Variants in SLC43A2 observed in about 807,000 individuals in gnomAD.
SLC43A2 encodes the protein large neutral amino acids transporter small subunit 4.
SLC43A2 carries 38 observed loss-of-function variants against 63.2 expected under a neutral mutation model. The observed-to-expected ratio is 0.60, with a 90% CI of 0.46 to 0.79. The LOEUF (loss-of-function observed/expected upper bound fraction) is 0.79, where lower values mean the gene tolerates loss of function less well. Among genes scored for constraint, SLC43A2 ranks in the 30% least tolerant of loss-of-function variants. The pLI is 0.00. For missense variants in SLC43A2, 644 were observed against 756.2 expected, an observed-to-expected ratio of 0.85 and a Z score of 1.74; for synonymous variants, 322 against 331.0, an observed-to-expected ratio of 0.97 and a Z score of 0.30.
intron 5 of SLC43A2, among the ~76,000 whole-genome samples, chr17:1,612,904 G>A (rs549974084): frequency 6.6e-6 from 1 of 152,174 alleles, no homozygotes; most frequent in African/African-American, 2.4e-5. Context: ...CCTGGGACGC[G>A]GAGGTTGCAG....
At chr17:1,604,236 T>C (rs1346594116) in intron 5 of SLC43A2, 1 of 152,080 alleles carries the variant, frequency 6.6e-6, no homozygotes, top group African/African-American at 2.4e-5. Flanking sequence ...GTATTTTGAG[T>C]AGAGATGGAG....
chr17:1,615,094 T>C, intron 3 of SLC43A2, 60 bp from the exon 4 acceptor site: 1 of 1,590,220 alleles, frequency 6.3e-7, no homozygotes, highest in Non-Finnish European at 8.6e-7. Flanking sequence ...GTGTTATTGT[T>C]TTGTTTTTGT....
chr17:1,613,690 G>C (rs1380776288), intron 4 of SLC43A2, among the ~76,000 whole-genome samples: 1 of 152,192 alleles, frequency 6.6e-6, no homozygotes, highest in East Asian at 1.9e-4. Flanking sequence ...GCCGATCTCA[G>C]CCTCCCAAAG....
chr17:1,615,272 G>A (rs1186109562), intron 3 of SLC43A2, among the ~76,000 whole-genome samples: 5 of 151,668 alleles, frequency 3.3e-5, no homozygotes, highest in Admixed American at 2.0e-4. Flanking sequence ...ACCACGCGTG[G>A]CTAATTTTTT....
In SLC43A2 at chr17:1,611,294, A is replaced by G. The variant is rs143314279; in HGVS notation, c.501+1901T>C. On this transcript the variant is annotated intron_variant, in intron 5 of 13. Coordinates refer to ENST00000301335, the MANE Select transcript of SLC43A2 (RefSeq NM_152346.3). ...GTGACAGAGGCGTCGCGTGACTAAA[A>G]TAATGGAGGTGAGGCCAGGTTTTTA... Among the ~76,000 whole-genome samples the G allele has an allele frequency of 5.0e-3, 766 of 152,296 alleles. 5 individuals carry two copies. Among genetic ancestry groups the G allele is most frequent in the African/African-American group, 0.018 (740 of 41,560 alleles).
At chr17:1,596,733 C>T (rs1905313152) in intron 5 of SLC43A2, among the ~76,000 whole-genome samples, 1 of 152,064 alleles carries the variant, frequency 6.6e-6, no homozygotes, top group Non-Finnish European at 1.5e-5. Context: ...CAGGTATGTG[C>T]CACCACGCCC....
intron 4 of SLC43A2, among the ~76,000 whole-genome samples, 167 bp from the exon 5 acceptor site, chr17:1,613,438 C>T (rs983909263): frequency 2.0e-5 from 3 of 151,992 alleles, no homozygotes; most frequent in Admixed American, 6.6e-5. Context: ...CTCACCCCCT[C>T]CTCTAGGCCT....
intron 9 of SLC43A2, chr17:1,586,928 T>TGGCCCCCCCCCCCCCCCCCCCCC: frequency 8.9e-6 from 11 of 1,232,850 alleles, no homozygotes; most frequent in Non-Finnish European, 1.1e-5. Flanking sequence ...TCCCTGACAA[T>TGGCCCCCCCCCCCCCCCCCCCCC]CCCCCCCACC....
rs570555909 is a variant in SLC43A2, at chr17:1,575,505, G to T, written c.*99C>A. On this transcript the variant is annotated 3_prime_UTR_variant, in exon 14 of 14. Transcript: ENST00000301335. ...GGAGCGTGAACGCTGGCACGGAGAC[G>T]GCGAAGGTCCTGGGGGTGCGTGGGG... is the stretch of plus-strand genomic sequence containing the variant. 1 of 1,501,312 alleles carries T rather than the reference G, an allele frequency of 6.7e-7. No individual in the cohort carries two copies. The highest frequency in any genetic ancestry group is 9.2e-7 in the Non-Finnish European group (1 of 1,082,970). 93.0% of individuals were successfully genotyped at this position (1,501,312 alleles called of 1,614,324 possible).
intron 5 of SLC43A2, among the ~76,000 whole-genome samples, chr17:1,611,627 C>CAAA (rs11377420): frequency 1.7e-5 from 2 of 120,510 alleles, no homozygotes; most frequent in African/African-American, 5.9e-5. Flanking sequence ...CGAGCAGACT[C>CAAA]AAAAAAAAAA....
At chr17:1,581,825 A>ATTTT (rs2076019194) in intron 11 of SLC43A2, among the ~76,000 whole-genome samples, 1 of 142,006 alleles carries the variant, frequency 7.0e-6, no homozygotes. Flanking sequence ...TTTTTTTTTG[A>ATTTT]GACACAGCCT....
chr17:1,604,967 C>T (rs1906458142), intron 5 of SLC43A2: 10 of 1,466,796 alleles, frequency 6.8e-6, no homozygotes, highest in Non-Finnish European at 8.1e-6. Flanking sequence ...CTGAGCAGAG[C>T]GCCCTAGCGC....
At position 1,578,299 on chromosome 17, in the gene SLC43A2, T is replaced by A. The variant is rs770958727; in HGVS notation, c.1375A>T (p.Ile459Phe). The A allele has an allele frequency of 3.7e-6, 6 of 1,613,678 alleles. No homozygotes were observed. Among genetic ancestry groups the A allele is most frequent in the Non-Finnish European group, 5.1e-6 (6 of 1,179,934 alleles). Reference protein sequence around the residue: ...LQILSFILHTIVRGFIHSAVG... With the variant: ...LQILSFILHTFVRGFIHSAVG... ...GCGGAGTGGATGAATCCTCGCACGA[T>A]TGTGTGCAGGATGAAGGAGAGGATC... Residue 459 changes from isoleucine (I) to phenylalanine (F), a missense_variant, in exon 12 of 14, where the codon ATC becomes TTC. Transcript: ENST00000301335. This position sits in a 1 kb window ranked among gnomAD's most constrained non-coding sequence, Gnocchi z 6.5.
intron 2 of SLC43A2, among the ~76,000 whole-genome samples, chr17:1,626,156 G>A (rs1481576115): frequency 3.4e-5 from 5 of 146,112 alleles, no homozygotes; most frequent in Middle Eastern, 3.3e-3. Flanking sequence ...CTCTGGGGAC[G>A]ATGACTTTTT....
chr17:1,600,955 G>A (rs1157782487), intron 5 of SLC43A2, among the ~76,000 whole-genome samples: 1 of 151,500 alleles, frequency 6.6e-6, no homozygotes, highest in African/African-American at 2.4e-5. Context: ...ATTTTACCTA[G>A]AGATACCGAA....
intron 2 of SLC43A2, among the ~76,000 whole-genome samples, chr17:1,621,282 T>C (rs78585575): frequency 0.019 from 2,824 of 152,160 alleles, 91 homozygotes; most frequent in African/African-American, 0.064. Flanking sequence ...GCCTCCAAGA[T>C]GATGCTTGAG....
chr17:1,578,329 G>T lies in SLC43A2; in HGVS notation c.1351-6C>A. ...TGCAGGATGAAGGAGAGGATCTGGG[G>T]GAGGAAAAGGCGACTGTGGGCATAA... is the stretch of plus-strand genomic sequence containing the variant. On this transcript the variant is annotated splice_polypyrimidine_tract_variant and splice_region_variant and intron_variant, in intron 11 of 13. Transcript: ENST00000301335. This position sits in a 1 kb window ranked among gnomAD's most constrained non-coding sequence, Gnocchi z 6.5. The T allele has an allele frequency of 6.2e-7, 1 of 1,613,598 alleles. No individual in the cohort carries two copies. Among genetic ancestry groups the T allele is most frequent in the South Asian group, 1.1e-5 (1 of 91,060 alleles).
rs1013076099 is a variant in SLC43A2, at chr17:1,583,442, C to T, written c.1218-106G>A. ...TCGCAGCAGGTAAACTGACGCAAGA[C>T]TCAGAAGCCACCCAGGCACGTTTTA... On this transcript the variant is annotated intron_variant, in intron 10 of 13. Coordinates refer to ENST00000301335, the MANE Select transcript of SLC43A2 (RefSeq NM_152346.3). The surrounding 1 kb of genome is among the most constrained non-coding windows in gnomAD (Gnocchi z 5.5). 6.5e-6 allele frequency: 10 copies of T among 1,547,480 alleles called. No individual in the cohort carries two copies. In the African/African-American group the frequency reaches 9.5e-5, roughly 15 times the overall value.
In SLC43A2 at chr17:1,605,329, G is replaced by T; in HGVS notation, c.501+7866C>A. ...GCAGCTGCAGGCGGCCCCTCCCCTG[G>T]CATTCTGGCCATAGAGCATGACCAC... is the stretch of plus-strand genomic sequence containing the variant. On this transcript the variant is annotated intron_variant, in intron 5 of 13. Transcript: ENST00000301335. The surrounding 1 kb of genome is among the most constrained non-coding windows in gnomAD (Gnocchi z 4.9). 3 of 711,516 alleles carry T rather than the reference G, an allele frequency of 4.2e-6. No homozygotes were observed. The highest frequency in any genetic ancestry group is 4.7e-5 in the South Asian group (1 of 21,106). The allele number at this position is 711,516 out of a possible 1,614,324, so 44.1% of individuals were successfully genotyped here.
Sources: allele counts gnomAD v4.1 joint callset (sites outside exome capture counted in the v4.1 genomes callset), GRCh38; gene constraint gnomAD v4.1.1; non-coding constraint Gnocchi (gnomAD v3.1); transcripts MANE v1.5; gene names NCBI Gene and HGNC (gene_info 2026-07-23, HGNC 2026-07-21).